The following SLC25A48 variants were observed in gnomAD, a reference collection of about 807,000 sequenced individuals.
SLC25A48 encodes solute carrier family 25 member 48, also known as CTC-321K16.1.
In SLC25A48, 29 loss-of-function variants were observed where a neutral mutation model predicts 32.2. The observed-to-expected ratio is 0.90, with a 90% CI of 0.67 to 1.23. The LOEUF (loss-of-function observed/expected upper bound fraction) is 1.23. SLC25A48 is among the 50% of genes most tolerant of loss of function. The pLI, the probability that SLC25A48 is intolerant of heterozygous loss-of-function variation, is 0.00. For synonymous variants in SLC25A48, 164 were observed against 172.3 expected, an observed-to-expected ratio of 0.95 and a Z score of 0.38; for missense variants, 399 against 422.7, an observed-to-expected ratio of 0.94 and a Z score of 0.49.
intron 3 of SLC25A48, among the ~76,000 whole-genome samples, chr5:135,735,073 G>A (rs559785657): frequency 1.7e-4 from 26 of 152,280 alleles, no homozygotes; most frequent in South Asian, 1.7e-3. Flanking sequence ...GATGGGACAC[G>A]GCTTAGGAGG....
At chr5:135,783,087 C>T (rs1756756426) in intron 3 of SLC25A48, among the ~76,000 whole-genome samples, 2 of 116,134 alleles carry the variant, frequency 1.7e-5, no homozygotes, top group Admixed American at 1.7e-4. Context: ...TCCAATACCA[C>T]AGCACAGTTA....
At chr5:135,883,500 C>G (rs1053151820) in intron 7 of SLC25A48, 3 of 983,000 alleles carry the variant, frequency 3.1e-6, no homozygotes, top group Non-Finnish European at 3.6e-6. Flanking sequence ...CAAGAGGCAC[C>G]TGGCCACTGT....
intron 3 of SLC25A48, among the ~76,000 whole-genome samples, chr5:135,782,041 G>A (rs1438281741): frequency 1.8e-5 from 2 of 113,244 alleles, no homozygotes; most frequent in African/African-American, 5.3e-5. Flanking sequence ...ATATCACAGG[G>A]TGTCTACACC....
At chr5:135,684,803 A>G (rs1580783370) in intron 3 of SLC25A48, among the ~76,000 whole-genome samples, 1 of 152,164 alleles carries the variant, frequency 6.6e-6, no homozygotes, top group African/African-American at 2.4e-5. Flanking sequence ...AGAGTGTTCC[A>G]TTGTGTGGGT....
chr5:135,640,405 A>G (rs2521964), intron 3 of SLC25A48, among the ~76,000 whole-genome samples: 71,497 of 151,908 alleles, frequency 0.47, 17,031 homozygotes, highest in South Asian at 0.52. Flanking sequence ...ATCAACTTCA[A>G]AAGATCAGCA....
chr5:135,873,699 C>T (rs535176956), intron 5 of SLC25A48, among the ~76,000 whole-genome samples: 63 of 152,184 alleles, frequency 4.1e-4, no homozygotes, highest in Non-Finnish European at 6.0e-4. Context: ...TGCCACGTCT[C>T]GAGCACTGGC....
chr5:135,733,173 A>AG (rs1228514789), intron 3 of SLC25A48, among the ~76,000 whole-genome samples: 2 of 152,130 alleles, frequency 1.3e-5, no homozygotes, highest in Non-Finnish European at 2.9e-5. Context: ...GAGGTAATGG[A>AG]GGGGGGCAGA....
At chr5:135,663,771 C>T (rs1049974282) in intron 3 of SLC25A48, among the ~76,000 whole-genome samples, 2 of 152,158 alleles carry the variant, frequency 1.3e-5, no homozygotes, top group African/African-American at 4.8e-5. Flanking sequence ...CTCACCTCCA[C>T]CTGTTATCAC....
At chr5:135,863,853 A>T (rs1452662953) in intron 4 of SLC25A48, among the ~76,000 whole-genome samples, 1 of 152,166 alleles carries the variant, frequency 6.6e-6, no homozygotes, top group African/African-American at 2.4e-5. Context: ...AGTTGGGGTG[A>T]TGATGGGGAC....
intron 7 of SLC25A48, among the ~76,000 whole-genome samples, chr5:135,887,515 C>G (rs752424545): frequency 6.6e-6 from 1 of 151,546 alleles, no homozygotes. Flanking sequence ...TATACATATC[C>G]CTCGCCCAAA....
upstream of SLC25A48, among the ~76,000 whole-genome samples, chr5:135,833,710 C>T (rs948508783): frequency 1.2e-4 from 19 of 152,150 alleles, no homozygotes; most frequent in African/African-American, 4.3e-4. Context: ...CTCTGTGTGC[C>T]GGGGCAGGGG....
At chr5:135,857,204 A>G (rs1760402820) in intron 4 of SLC25A48, among the ~76,000 whole-genome samples, 2 of 152,164 alleles carry the variant, frequency 1.3e-5, no homozygotes, top group South Asian at 4.1e-4. Context: ...GCCCACCTCC[A>G]CTCCAGCTTT....
intron 3 of SLC25A48, among the ~76,000 whole-genome samples, chr5:135,701,685 G>A (rs149586367): frequency 1.1e-4 from 16 of 152,302 alleles, no homozygotes; most frequent in African/African-American, 3.1e-4. Flanking sequence ...CTAATAGGCA[G>A]CCCATGCTCC....
At chr5:135,794,336 A>G (rs919695158) in intron 3 of SLC25A48, among the ~76,000 whole-genome samples, 1 of 151,782 alleles carries the variant, frequency 6.6e-6, no homozygotes, top group Non-Finnish European at 1.5e-5. Context: ...TATTACTCTC[A>G]ATATCACAGG....
rs373188582 is a variant in SLC25A48 at position 135,852,840 on chromosome 5, G to A, written c.421+19G>A. On this transcript the variant is annotated intron_variant, in intron 4 of 7. Transcript: ENST00000681962. Reference sequence around the variant, plus strand: ...CGGGACGGTAAGAGGCCAGGGGAGCGGAGGCTGGTGTCTGGGACTTGTGGC... The same window carrying A: ...CGGGACGGTAAGAGGCCAGGGGAGCAGAGGCTGGTGTCTGGGACTTGTGGC... 1.2e-5 allele frequency: 19 copies of A among 1,590,888 alleles called. 1 individual carries two copies. The highest frequency in any genetic ancestry group is 8.9e-5 in the South Asian group (8 of 89,730).
intron 3 of SLC25A48, among the ~76,000 whole-genome samples, chr5:135,755,766 C>T (rs1216981496): frequency 1.3e-5 from 2 of 150,116 alleles, no homozygotes; most frequent in African/African-American, 2.5e-5. Flanking sequence ...TATGGTCATA[C>T]GTAGTGTCAA....
At chr5:135,777,880 A>G (rs368570766) in intron 3 of SLC25A48, among the ~76,000 whole-genome samples, 17 of 151,648 alleles carry the variant, frequency 1.1e-4, no homozygotes, top group African/African-American at 3.9e-4. Context: ...GAAAAATAAT[A>G]TTACTCCCAA....
At chr5:135,589,150 G>A (rs1006977384) in intron 1 of SLC25A48, among the ~76,000 whole-genome samples, 2 of 152,192 alleles carry the variant, frequency 1.3e-5, no homozygotes, top group Admixed American at 1.3e-4. Context: ...TTTCATAAAC[G>A]CTGTATAATC....
intron 3 of SLC25A48, among the ~76,000 whole-genome samples, chr5:135,803,259 C>A (rs1207631993): frequency 6.6e-6 from 1 of 150,378 alleles, no homozygotes; most frequent in Non-Finnish European, 1.5e-5. Context: ...ATATTCTTGG[C>A]AGATATTATT....
Sources: gnomAD v4.1 joint callset for allele counts (sites outside exome capture counted in the v4.1 genomes callset) on GRCh38, gnomAD v4.1.1 for gene constraint, MANE v1.5 for transcripts, NCBI Gene and HGNC (gene_info 2026-07-23, HGNC 2026-07-21) for gene names.